The following GAD2 variants were observed in gnomAD, a reference collection of about 807,000 sequenced individuals.
GAD2 encodes the protein glutamate decarboxylase 2.
A neutral mutation model predicts 80.1 loss-of-function variants in GAD2; 22 were observed. That is an observed-to-expected ratio of 0.27 (90% CI 0.20 to 0.39). GAD2 has a LOEUF of 0.39. GAD2 is among the 10% of genes least tolerant of loss of function. The pLI, the probability that GAD2 is intolerant of heterozygous loss-of-function variation, is 1.00. For missense variants in GAD2, 624 were observed against 738.4 expected (o/e 0.85, Z 1.80); for synonymous variants, 274 against 256.9 (o/e 1.07, Z -0.64).
At chr10:26,269,091 G>A (rs1390704219) in intron 8 of GAD2, 28 bp from the exon 9 acceptor site, 6 of 1,562,760 alleles carry the variant, frequency 3.8e-6, no homozygotes, top group South Asian at 1.2e-5. Flanking sequence ...ATTATTCAAA[G>A]CAAATCTATA....
At chr10:26,277,045 G>A (rs1334528331) in intron 11 of GAD2, among the ~76,000 whole-genome samples, 1 of 152,228 alleles carries the variant, frequency 6.6e-6, no homozygotes, top group Non-Finnish European at 1.5e-5. Context: ...AGAGACAGAC[G>A]TGGGAGCTGA....
chr10:26,221,346 A>G (rs550606728), intron 4 of GAD2, among the ~76,000 whole-genome samples: 1 of 152,358 alleles, frequency 6.6e-6, no homozygotes, highest in African/African-American at 2.4e-5. Flanking sequence ...GGGCAGTGGG[A>G]AAATGAAGTC....
chr10:26,242,836 T>C (rs1844759889), intron 7 of GAD2, among the ~76,000 whole-genome samples: 2 of 152,204 alleles, frequency 1.3e-5, no homozygotes, highest in South Asian at 4.1e-4. Context: ...ATTGACCAGG[T>C]GCACCAGATC....
chr10:26,241,020 C>T (rs776052774), intron 7 of GAD2, among the ~76,000 whole-genome samples: 25 of 150,934 alleles, frequency 1.7e-4, no homozygotes, highest in South Asian at 1.3e-3. Context: ...CCAGCCTGGG[C>T]GACAGAGTGA....
chr10:26,245,227 T>G (rs930973731), intron 7 of GAD2, among the ~76,000 whole-genome samples: 18 of 130,794 alleles, frequency 1.4e-4, no homozygotes, highest in African/African-American at 2.9e-4. Context: ...GGGTTGGGGG[T>G]GTGGGGGGAG....
chr10:26,254,045 T>A (rs915191037), intron 8 of GAD2, among the ~76,000 whole-genome samples: 10 of 152,302 alleles, frequency 6.6e-5, no homozygotes, highest in South Asian at 4.1e-4. Context: ...TTAATTAATT[T>A]ATTTATTTTT....
rs1564675203 is a variant in GAD2 at position 26,300,965 on chromosome 10, C to T, written c.*4C>T. 6.2e-7 allele frequency: 1 copy of T among 1,611,388 alleles called. No individual in the cohort carries two copies. Among genetic ancestry groups the T allele is most frequent in the Non-Finnish European group, 8.5e-7 (1 of 1,177,758 alleles). On this transcript the variant is annotated 3_prime_UTR_variant, in exon 16 of 16. Coordinates refer to ENST00000376261, the MANE Select transcript of GAD2 (RefSeq NM_001134366.2). Reference sequence around the variant, plus strand: ...ACGCCTTGGACAAGATTTATAATAACCTTGCTCACCAAGCTGTTCCACTTC... The same window carrying T: ...ACGCCTTGGACAAGATTTATAATAATCTTGCTCACCAAGCTGTTCCACTTC...
At chr10:26,292,838 T>A in intron 14 of GAD2, 64 bp from the exon 15 acceptor site, 1 of 1,301,844 alleles carries the variant, frequency 7.7e-7, no homozygotes, top group Non-Finnish European at 1.1e-6. Flanking sequence ...CGATTTGAAA[T>A]GTTCTTGGAA....
chr10:26,248,783 C>T (rs974402541), intron 8 of GAD2, among the ~76,000 whole-genome samples: 6 of 151,986 alleles, frequency 3.9e-5, no homozygotes, highest in Non-Finnish European at 5.9e-5. Context: ...TGTTTGATTG[C>T]TGGCAGAGAA....
At chr10:26,258,291 TTGTAA>T (rs1275072295) in intron 8 of GAD2, among the ~76,000 whole-genome samples, 5 of 152,258 alleles carry the variant, frequency 3.3e-5, no homozygotes, top group African/African-American at 1.2e-4. Flanking sequence ...ATCACATGGC[TTGTAA>T]GTGAAGAGTC....
At chr10:26,298,156 C>G (rs1244052471) in intron 15 of GAD2, among the ~76,000 whole-genome samples, 1 of 152,092 alleles carries the variant, frequency 6.6e-6, no homozygotes, top group African/African-American at 2.4e-5. Context: ...AGGAGGGGGT[C>G]TCATAGCGCC....
intron 13 of GAD2, among the ~76,000 whole-genome samples, chr10:26,291,935 T>A (rs999956409): frequency 1.3e-5 from 2 of 152,184 alleles, no homozygotes; most frequent in Admixed American, 6.5e-5. Flanking sequence ...TAACAAAGCA[T>A]CTGGGTGCTC....
At chr10:26,274,143 T>C (rs762836200) in intron 11 of GAD2, among the ~76,000 whole-genome samples, 1 of 152,244 alleles carries the variant, frequency 6.6e-6, no homozygotes, top group Non-Finnish European at 1.5e-5. Context: ...TTGTAACTTA[T>C]CAATGTTGAA....
rs1844400815 is a variant in GAD2 at position 26,217,946 on chromosome 10, A to G, written c.241A>G (p.Ser81Gly). Reference protein sequence around the residue: ...AACACDQKPCSCSKVDVNYAF... With the variant: ...AACACDQKPCGCSKVDVNYAF... Reference sequence around the variant, plus strand: ...CTGCGCCTGCGACCAGAAGCCCTGCAGCTGCTCCAAAGTGGATGTCAACTA... The same window carrying G: ...CTGCGCCTGCGACCAGAAGCCCTGCGGCTGCTCCAAAGTGGATGTCAACTA... The change falls in exon 3 of 16, where the codon AGC (serine) becomes GGC (glycine). Residue 81 changes from serine to glycine, a missense_variant. Ser to Gly is a moderately conservative substitution (Grantham distance 56). Coordinates refer to ENST00000376261, the MANE Select transcript of GAD2 (RefSeq NM_001134366.2). This position sits in a 1 kb window ranked among gnomAD's most constrained non-coding sequence, Gnocchi z 4.9. The G allele has an allele frequency of 1.2e-6, 2 of 1,611,976 alleles. No individual in the cohort carries two copies. The highest frequency in any genetic ancestry group is 1.7e-6 in the Non-Finnish European group (2 of 1,179,220).
chr10:26,260,421 G>C (rs1278954944), intron 8 of GAD2, among the ~76,000 whole-genome samples: 1 of 152,126 alleles, frequency 6.6e-6, no homozygotes, highest in Admixed American at 6.5e-5. Context: ...CTGAGGTCAG[G>C]AGTTCGAGAC....
chr10:26,266,958 C>CT (rs1845080767), intron 8 of GAD2, among the ~76,000 whole-genome samples: 1 of 152,162 alleles, frequency 6.6e-6, no homozygotes, highest in Non-Finnish European at 1.5e-5. Context: ...GTCACTTCTC[C>CT]TTTCAGGCTG....
intron 7 of GAD2, among the ~76,000 whole-genome samples, chr10:26,241,247 T>C (rs1844738663): frequency 6.6e-6 from 1 of 152,250 alleles, no homozygotes; most frequent in African/African-American, 2.4e-5. Context: ...GAGGGTATTC[T>C]CATTAGCTCA....
chr10:26,235,247 G>C (rs978210118), intron 7 of GAD2, among the ~76,000 whole-genome samples: 1 of 152,158 alleles, frequency 6.6e-6, no homozygotes, highest in African/African-American at 2.4e-5. Flanking sequence ...TCCAATCTGA[G>C]CACTGAGTTT....
intron 7 of GAD2, among the ~76,000 whole-genome samples, chr10:26,237,275 T>C (rs1056432819): frequency 6.6e-6 from 1 of 152,154 alleles, no homozygotes; most frequent in Non-Finnish European, 1.5e-5. Flanking sequence ...AACAGACTTA[T>C]TGTTCTCCAG....
Sources: gnomAD v4.1 joint callset for allele counts (sites outside exome capture counted in the v4.1 genomes callset) on GRCh38, gnomAD v4.1.1 for gene constraint, Gnocchi (gnomAD v3.1) non-coding constraint, MANE v1.5 for transcripts, NCBI Gene and HGNC (gene_info 2026-07-23, HGNC 2026-07-21) for gene names.